ABTB3: variants seen among roughly 807,000 people sequenced by gnomAD.
ABTB3 encodes the protein ankyrin repeat- and BTB/POZ domain-containing protein 3.
At chr12:107,615,735 G>T in the ABTB3 span, among the ~76,000 whole-genome samples, 2 of 152,188 alleles carry the variant, frequency 1.3e-5, no homozygotes, top group East Asian at 3.8e-4. Flanking sequence ...AGGTCCTTTG[G>T]GCATATAAAT....
the ABTB3 span, among the ~76,000 whole-genome samples, chr12:107,594,135 A>G: frequency 6.6e-6 from 1 of 152,218 alleles, no homozygotes; most frequent in African/African-American, 2.4e-5. Flanking sequence ...GGTGGCCCTC[A>G]TTTTTGACTC....
chr12:107,629,958 C>T, the ABTB3 span, among the ~76,000 whole-genome samples: 1 of 152,076 alleles, frequency 6.6e-6, no homozygotes, highest in African/African-American at 2.4e-5. Flanking sequence ...GACACCACCC[C>T]TCACACTCAA....
the ABTB3 span, chr12:107,635,513 G>A: frequency 1.3e-6 from 1 of 754,994 alleles, no homozygotes; most frequent in Non-Finnish European, 2.1e-6. Flanking sequence ...CAGTACAGGA[G>A]TCAGGCCGGG....
the ABTB3 span, among the ~76,000 whole-genome samples, chr12:107,535,151 AACAC>A: frequency 6.6e-6 from 1 of 152,198 alleles, no homozygotes; most frequent in African/African-American, 2.4e-5. Context: ...CAAATCAATA[AACAC>A]ACACATCACA....
chr12:107,581,314 G>C, the ABTB3 span: 11 of 1,324,614 alleles, frequency 8.3e-6, no homozygotes, highest in Non-Finnish European at 1.1e-5. Context: ...GGTAGGCGCG[G>C]GGGCGGGCGG....
the ABTB3 span, among the ~76,000 whole-genome samples, chr12:107,386,678 T>C: frequency 6.6e-6 from 1 of 152,192 alleles, no homozygotes; most frequent in Non-Finnish European, 1.5e-5. Flanking sequence ...CCCTGACTGA[T>C]CATTCCCTTG....
the ABTB3 span, among the ~76,000 whole-genome samples, chr12:107,356,148 G>T: frequency 6.6e-6 from 1 of 152,132 alleles, no homozygotes; most frequent in Non-Finnish European, 1.5e-5. Flanking sequence ...AACGATAGCT[G>T]GTCCACACTT....
At chr12:107,653,668 C>T in the ABTB3 span, among the ~76,000 whole-genome samples, 11 of 152,182 alleles carry the variant, frequency 7.2e-5, no homozygotes, top group African/African-American at 2.4e-4. Flanking sequence ...TTCACTACAA[C>T]CCTTTTAGGT....
the ABTB3 span, among the ~76,000 whole-genome samples, chr12:107,412,504 C>T: frequency 2.0e-5 from 3 of 152,150 alleles, no homozygotes; most frequent in Non-Finnish European, 2.9e-5. Flanking sequence ...AACACGGAAA[C>T]GTAGGAGGTT....
the ABTB3 span, among the ~76,000 whole-genome samples, chr12:107,506,091 C>T: frequency 2.6e-5 from 4 of 152,062 alleles, no homozygotes; most frequent in Non-Finnish European, 5.9e-5. Flanking sequence ...GTTTTTAGGT[C>T]TTTGAGAAAT....
the ABTB3 span, among the ~76,000 whole-genome samples, chr12:107,320,325 G>T: frequency 2.0e-5 from 3 of 152,224 alleles, no homozygotes; most frequent in African/African-American, 7.2e-5. Context: ...GGTGCGGGGC[G>T]GGGCGACAGC....
the ABTB3 span, among the ~76,000 whole-genome samples, chr12:107,376,055 C>T: frequency 3.3e-5 from 5 of 152,120 alleles, no homozygotes; most frequent in African/African-American, 7.2e-5. Flanking sequence ...TTTGCCCTTG[C>T]GGTTCCTTCT....
the ABTB3 span, among the ~76,000 whole-genome samples, chr12:107,578,342 G>C: frequency 6.9e-6 from 1 of 143,942 alleles, no homozygotes; most frequent in Non-Finnish European, 1.5e-5. Context: ...CTTGGTAAAG[G>C]TGTTATTTTT....
the ABTB3 span, among the ~76,000 whole-genome samples, chr12:107,651,495 T>C: frequency 9.8e-4 from 148 of 151,780 alleles, no homozygotes; most frequent in African/African-American, 3.4e-3. Context: ...TCCCCCACAG[T>C]GGAATCCTAT....
the ABTB3 span, among the ~76,000 whole-genome samples, chr12:107,570,616 G>A: frequency 2.1e-4 from 32 of 151,760 alleles, no homozygotes; most frequent in African/African-American, 7.0e-4. Flanking sequence ...CTTGTTTCCA[G>A]TGGGATTGGA....
At chr12:107,558,111 G>A in the ABTB3 span, among the ~76,000 whole-genome samples, 38,694 of 152,098 alleles carry the variant, frequency 0.25, 5,097 homozygotes, top group East Asian at 0.36. Flanking sequence ...AAATTGGGAA[G>A]GTGTTCTAGG....
At chr12:107,459,645 A>G in the ABTB3 span, among the ~76,000 whole-genome samples, 1 of 152,252 alleles carries the variant, frequency 6.6e-6, no homozygotes, top group Non-Finnish European at 1.5e-5. Context: ...CAGAGGGAGC[A>G]GCAGATGCAA....
At chr12:107,550,500 A>C in the ABTB3 span, among the ~76,000 whole-genome samples, 1 of 151,438 alleles carries the variant, frequency 6.6e-6, no homozygotes, top group African/African-American at 2.4e-5. Flanking sequence ...AAGCTAAAAA[A>C]AAAAAAAAAT....
the ABTB3 span, among the ~76,000 whole-genome samples, chr12:107,620,724 C>T: frequency 6.6e-6 from 1 of 152,222 alleles, no homozygotes; most frequent in African/African-American, 2.4e-5. Context: ...ATGAACCTAG[C>T]TCTGACCCCT....
Sources: allele counts gnomAD v4.1 joint callset (sites outside exome capture counted in the v4.1 genomes callset), GRCh38; gene constraint gnomAD v4.1.1; transcripts MANE v1.5; gene names NCBI Gene and HGNC (gene_info 2026-07-23, HGNC 2026-07-21).